CADPS: variants seen among roughly 807,000 people sequenced by gnomAD.
CADPS encodes calcium-dependent secretion activator 1.
CADPS carries 57 observed loss-of-function variants against 167.3 expected under a neutral mutation model. The observed-to-expected ratio is 0.34, with a 90% CI of 0.28 to 0.42. CADPS has a LOEUF of 0.42. CADPS is among the 20% of genes least tolerant of loss of function. The pLI is 1.00. For missense variants in CADPS, 1,414 were observed against 1,738.1 expected (o/e 0.81, Z 3.32); for synonymous variants, 676 against 635.3 (o/e 1.06, Z -0.96).
chr3:62,872,475 T>C (rs2082806625), intron 1 of CADPS, among the ~76,000 whole-genome samples: 2 of 152,206 alleles, frequency 1.3e-5, no homozygotes, highest in Admixed American at 6.5e-5. Flanking sequence ...ATAGCTTCAC[T>C]GGGATATGTA....
chr3:62,706,914 G>T (rs2082412278), intron 3 of CADPS, among the ~76,000 whole-genome samples: 1 of 152,026 alleles, frequency 6.6e-6, no homozygotes, highest in African/African-American at 2.4e-5. Flanking sequence ...CTCAGGAAAT[G>T]GCTACACTAA....
chr3:62,842,754 C>G (rs189799405), intron 1 of CADPS, among the ~76,000 whole-genome samples: 7 of 152,236 alleles, frequency 4.6e-5, no homozygotes, highest in Non-Finnish European at 8.8e-5. Context: ...GCTTTATGAC[C>G]CATGCCCTCT....
chr3:62,821,633 C>G (rs750997197), intron 1 of CADPS, among the ~76,000 whole-genome samples: 3 of 152,172 alleles, frequency 2.0e-5, no homozygotes, highest in African/African-American at 7.2e-5. Context: ...CTGATAAAGA[C>G]ACCAGTCAGA....
Position 62,585,218 on chromosome 3 carries a change from C to T in CADPS, c.1544G>A (p.Arg515Gln), listed in dbSNP as rs760015455. 4 of 1,613,858 alleles carry T rather than the reference C, an allele frequency of 2.5e-6. No homozygotes were observed. Among genetic ancestry groups the T allele is most frequent in the East Asian group, 2.2e-5 (1 of 44,884 alleles). Residue 515 changes from arginine to glutamine, a missense_variant, in exon 8 of 30, where the codon CGA (arginine) becomes CAA (glutamine). Physicochemically the swap from Arg to Gln is conservative, Grantham distance 43 (BLOSUM62 1). Transcript: ENST00000383710. ...DQDLKIKLAV[R>Q]MDKPQNMKHS... ...CTTCATGTTTTGAGGCTTATCCATTCGGACAGCAAGTTTGATTTTGAGATC... is the reference window on the plus strand; with the variant it reads ...CTTCATGTTTTGAGGCTTATCCATTTGGACAGCAAGTTTGATTTTGAGATC...
At chr3:62,827,375 AC>A (rs2074258459) in intron 1 of CADPS, among the ~76,000 whole-genome samples, 1 of 152,188 alleles carries the variant, frequency 6.6e-6, no homozygotes, top group Non-Finnish European at 1.5e-5. Context: ...TTCATTGAGA[AC>A]ACTCACTATG....
chr3:62,800,282 T>A (rs542558759), intron 1 of CADPS, among the ~76,000 whole-genome samples: 113 of 152,174 alleles, frequency 7.4e-4, no homozygotes, highest in Non-Finnish European at 1.4e-3. Flanking sequence ...AAAATGATAG[T>A]CATCATCATT....
At chr3:62,555,849 T>G (rs1329687126) in intron 10 of CADPS, among the ~76,000 whole-genome samples, 1 of 152,084 alleles carries the variant, frequency 6.6e-6, no homozygotes, top group Non-Finnish European at 1.5e-5. Flanking sequence ...CAAGCAATCC[T>G]CCCACCTTAG....
intron 6 of CADPS, among the ~76,000 whole-genome samples, chr3:62,610,888 T>G (rs1578775842): frequency 6.8e-6 from 1 of 146,662 alleles, no homozygotes. Flanking sequence ...GGGAGGGGGG[T>G]GTGGGGGGCT....
At chr3:62,530,003 C>T (rs949301223) in intron 13 of CADPS, among the ~76,000 whole-genome samples, 7 of 151,948 alleles carry the variant, frequency 4.6e-5, no homozygotes, top group Admixed American at 4.6e-4. Flanking sequence ...CACCAATTCG[C>T]CAATTTATAA....
intron 16 of CADPS, among the ~76,000 whole-genome samples, chr3:62,515,147 C>A (rs1239989648): frequency 6.6e-6 from 1 of 152,000 alleles, no homozygotes; most frequent in Non-Finnish European, 1.5e-5. Context: ...TTTCTTTTCC[C>A]CCCAGTTGTC....
At chr3:62,789,182 T>C (rs1297930274) in intron 1 of CADPS, among the ~76,000 whole-genome samples, 1 of 152,216 alleles carries the variant, frequency 6.6e-6, no homozygotes, top group Admixed American at 6.5e-5. Flanking sequence ...CAATGGCCAC[T>C]ATCTGAGCTA....
At chr3:62,726,727 T>C (rs1011223572) in intron 3 of CADPS, among the ~76,000 whole-genome samples, 6 of 151,896 alleles carry the variant, frequency 4.0e-5, no homozygotes, top group East Asian at 1.9e-4. Context: ...AAAAACACTA[T>C]TTACCAAAAG....
intron 23 of CADPS, among the ~76,000 whole-genome samples, chr3:62,475,606 A>AAC: frequency 6.7e-6 from 1 of 150,156 alleles, no homozygotes; most frequent in Admixed American, 6.7e-5. Context: ...AAAAAAAAAA[A>AAC]AAAAAACACC....
intron 3 of CADPS, among the ~76,000 whole-genome samples, chr3:62,730,557 TTGGTGAC>T (rs746053454): frequency 1.0e-3 from 156 of 152,278 alleles, no homozygotes; most frequent in Non-Finnish European, 1.5e-3. Flanking sequence ...GCTTCTAAGC[TTGGTGAC>T]TTGGGTCACT....
chr3:62,431,736 T>A (rs1357012377), intron 28 of CADPS, among the ~76,000 whole-genome samples: 1 of 151,924 alleles, frequency 6.6e-6, no homozygotes, highest in Non-Finnish European at 1.5e-5. Context: ...GTAAAGAATA[T>A]TTTGGGGACA....
chr3:62,442,607 T>A (rs1478193513), intron 27 of CADPS, among the ~76,000 whole-genome samples: 1 of 152,170 alleles, frequency 6.6e-6, no homozygotes, highest in African/African-American at 2.4e-5. Context: ...AATACTCCCA[T>A]CAAGGCTAAT....
In CADPS at chr3:62,727,420, T is replaced by G. The variant is rs527286642; in HGVS notation, c.888+26021A>C. Among the ~76,000 whole-genome samples the G allele has an allele frequency of 6.7e-4, 102 of 152,042 alleles. 1 individual carries two copies. The South Asian group carries it at 0.02, about 30-fold the overall frequency. ...ACTAATTTGTAAGAACAGGTTTAGT[T>G]GGTGAGAAATCTGTGGAGCATTGTT... On this transcript the variant is annotated intron_variant, in intron 3 of 29. Coordinates refer to ENST00000383710, the MANE Select transcript of CADPS (RefSeq NM_003716.4).
intron 22 of CADPS, among the ~76,000 whole-genome samples, chr3:62,480,190 C>T (rs1177993691): frequency 1.3e-5 from 2 of 152,018 alleles, no homozygotes; most frequent in African/African-American, 4.8e-5. Context: ...GAGCAGTTAC[C>T]AAAATGTGTT....
At chr3:62,599,534 T>C in intron 6 of CADPS, among the ~76,000 whole-genome samples, 1 of 98,388 alleles carries the variant, frequency 1.0e-5, no homozygotes, top group South Asian at 2.9e-4. Flanking sequence ...ATATATATTA[T>C]ATATATTATA....
Sources: allele counts gnomAD v4.1 joint callset (sites outside exome capture counted in the v4.1 genomes callset), GRCh38; gene constraint gnomAD v4.1.1; transcripts MANE v1.5; gene names NCBI Gene and HGNC (gene_info 2026-07-23, HGNC 2026-07-21).